Variants in MPRIP observed in about 807,000 individuals in gnomAD.
The protein encoded by MPRIP is myosin phosphatase Rho-interacting protein.
A neutral mutation model predicts 234.9 loss-of-function variants in MPRIP; 59 were observed. That is an observed-to-expected ratio of 0.25 (90% CI 0.20 to 0.31). The LOEUF (loss-of-function observed/expected upper bound fraction) is 0.31, where lower values mean the gene tolerates loss of function less well. MPRIP is among the 10% of genes least tolerant of loss of function. MPRIP has a pLI of 1.00. For missense variants in MPRIP, 2,436 were observed against 3,071.0 expected (o/e 0.79, Z 4.89); for synonymous variants, 1,144 against 1,263.9 (o/e 0.91, Z 2.01).
At chr17:17,124,191 G>C (rs1252480890) in intron 3 of MPRIP, among the ~76,000 whole-genome samples, 1 of 152,156 alleles carries the variant, frequency 6.6e-6, no homozygotes, top group Non-Finnish European at 1.5e-5. Flanking sequence ...AGCAGAGCAG[G>C]GGCTTTGTTC....
intron 1 of MPRIP, among the ~76,000 whole-genome samples, chr17:17,075,218 G>T (rs753384307): frequency 6.6e-6 from 1 of 152,206 alleles, no homozygotes; most frequent in African/African-American, 2.4e-5. Context: ...AAGAGTTTCT[G>T]CACGCAGTCA....
intron 3 of MPRIP, among the ~76,000 whole-genome samples, chr17:17,081,981 C>G (rs968790999): frequency 1.3e-5 from 2 of 152,168 alleles, no homozygotes; most frequent in African/African-American, 4.8e-5. Flanking sequence ...CCTGGTTTTT[C>G]AGGAGTGGAC....
chr17:17,185,581 T>A lies in MPRIP; in HGVS notation c.*687T>A, dbSNP rs186419971. The A allele has an allele frequency of 2.2e-6, 1 of 456,252 alleles. No individual in the cohort carries two copies. Among genetic ancestry groups the A allele is most frequent in the Non-Finnish European group, 4.4e-6 (1 of 226,946 alleles). 28.3% of individuals were successfully genotyped at this position (456,252 alleles called of 1,614,324 possible). A position where few individuals can be genotyped will look rare whatever the true frequency, so the allele number is the denominator to read the frequency against. Reference sequence around the variant, plus strand: ...CAAAATCCCCGGCCCCTCTCCTTCCTTCCTTCCTTCCTTCCTCCGCTCGTT... The same window carrying A: ...CAAAATCCCCGGCCCCTCTCCTTCCATCCTTCCTTCCTTCCTCCGCTCGTT... On this transcript the variant is annotated 3_prime_UTR_variant, in exon 24 of 24. Coordinates refer to ENST00000651222, the MANE Select transcript of MPRIP (RefSeq NM_001364716.4).
chr17:17,174,078 G>C lies in MPRIP; in HGVS notation c.6750+3G>C. 1 of 1,612,812 alleles carries C rather than the reference G, an allele frequency of 6.2e-7. No individual in the cohort carries two copies. Among genetic ancestry groups the C allele is most frequent in the Non-Finnish European group, 8.5e-7 (1 of 1,179,624 alleles). The stretch of plus-strand genomic sequence containing the variant: ...AGGAGCTCAATGCCCACAACCAGGT[G>C]AGCCTGCAGCCAGGTGAGCCCAAGG... On this transcript the variant is annotated splice_donor_region_variant and intron_variant, in intron 19 of 23. Coordinates refer to ENST00000651222, the MANE Select transcript of MPRIP (RefSeq NM_001364716.4).
At chr17:17,117,742 G>A (rs1203479486) in intron 3 of MPRIP, among the ~76,000 whole-genome samples, 1 of 152,168 alleles carries the variant, frequency 6.6e-6, no homozygotes, top group Non-Finnish European at 1.5e-5. Flanking sequence ...AACTTGTTGG[G>A]TCATATGGAA....
At position 17,166,771 on chromosome 17, in the gene MPRIP, T is replaced by G; in HGVS notation, c.5180T>G (p.Val1727Gly). ...GACTTTGAAAGAGTGATGCAGCAGG[T>G]CTTGGAAGCCCTCAGGCTTCCAGCG... is the stretch of plus-strand genomic sequence containing the variant. Reference protein sequence around the residue: ...TPDFERVMQQVLEALRLPAGH... With the variant: ...TPDFERVMQQGLEALRLPAGH... Residue 1727 changes from valine (V) to glycine (G), a missense_variant, in exon 16 of 24, where the codon GTC (valine) becomes GGC (glycine). Val to Gly is a moderately radical substitution (Grantham distance 109). Coordinates refer to ENST00000651222, the MANE Select transcript of MPRIP (RefSeq NM_001364716.4). This position sits in a 1 kb window ranked among gnomAD's most constrained non-coding sequence, Gnocchi z 4.4. 7.7e-7 allele frequency: 1 copy of G among 1,304,204 alleles called. No homozygotes were observed. Among genetic ancestry groups the G allele is most frequent in the Non-Finnish European group, 1.0e-6 (1 of 988,950 alleles). 80.8% of individuals were successfully genotyped at this position (1,304,204 alleles called of 1,614,324 possible).
intron 3 of MPRIP, among the ~76,000 whole-genome samples, chr17:17,100,759 A>G (rs1480885524): frequency 6.6e-6 from 1 of 152,084 alleles, no homozygotes; most frequent in Non-Finnish European, 1.5e-5. Flanking sequence ...GATTGATTCT[A>G]CATTATGGTG....
chr17:17,159,720 G>A (rs1296687862), intron 14 of MPRIP, among the ~76,000 whole-genome samples: 1 of 152,218 alleles, frequency 6.6e-6, no homozygotes, highest in Admixed American at 6.5e-5. Context: ...CTCGTAGCTG[G>A]GGAGGTGTAG....
chr17:17,148,331 G>A (rs144950797), intron 11 of MPRIP, among the ~76,000 whole-genome samples: 127 of 152,262 alleles, frequency 8.3e-4, no homozygotes, highest in African/African-American at 2.5e-3. Context: ...GAGAGCAGTG[G>A]TGGTTAAAAT....
At chr17:17,043,346 C>G (rs2088241112) in intron 1 of MPRIP, among the ~76,000 whole-genome samples, 1 of 152,026 alleles carries the variant, frequency 6.6e-6, no homozygotes, top group South Asian at 2.1e-4. Context: ...GCCCAGGGGT[C>G]GGATTGTTGG....
At chr17:17,074,445 C>G (rs1159862703) in intron 1 of MPRIP, among the ~76,000 whole-genome samples, 1 of 152,214 alleles carries the variant, frequency 6.6e-6, no homozygotes, top group Non-Finnish European at 1.5e-5. Context: ...ACAGGCCAGA[C>G]ACTGTGCTCA....
At chr17:17,112,787 G>A (rs1254256167) in intron 3 of MPRIP, among the ~76,000 whole-genome samples, 1 of 152,206 alleles carries the variant, frequency 6.6e-6, no homozygotes, top group African/African-American at 2.4e-5. Flanking sequence ...GCGTTGAGGG[G>A]GAGGGAGGGA....
chr17:17,068,794 A>G (rs909503906), intron 1 of MPRIP, among the ~76,000 whole-genome samples: 2 of 152,124 alleles, frequency 1.3e-5, no homozygotes, highest in African/African-American at 4.8e-5. Flanking sequence ...CTGTAATCCC[A>G]TAGTGCTGGG....
At chr17:17,134,534 T>C (rs1454399116) in intron 5 of MPRIP, among the ~76,000 whole-genome samples, 3 of 152,100 alleles carry the variant, frequency 2.0e-5, no homozygotes, top group Non-Finnish European at 4.4e-5. Flanking sequence ...AGCCTGGGAG[T>C]CTGTCTGCTG....
chr17:17,096,288 G>GGTGTGTGTGTGT (rs59748753), intron 3 of MPRIP, among the ~76,000 whole-genome samples: 2 of 136,492 alleles, frequency 1.5e-5, no homozygotes, highest in African/African-American at 5.6e-5. Context: ...GTGTGTGCAG[G>GGTGTGTGTGTGT]GTGTGTGTGT....
intron 3 of MPRIP, among the ~76,000 whole-genome samples, chr17:17,079,821 C>T (rs963051932): frequency 2.0e-4 from 30 of 152,354 alleles, no homozygotes; most frequent in South Asian, 1.7e-3. Context: ...CTTCTGGGGA[C>T]GCCTTGGTGC....
chr17:17,062,196 C>G (rs1246976030), intron 1 of MPRIP, among the ~76,000 whole-genome samples: 2 of 152,068 alleles, frequency 1.3e-5, no homozygotes. Context: ...GGTTCCCTAA[C>G]TACACCTACT....
At chr17:17,110,198 C>T (rs1567720998) in intron 3 of MPRIP, among the ~76,000 whole-genome samples, 1 of 152,240 alleles carries the variant, frequency 6.6e-6, no homozygotes, top group East Asian at 1.9e-4. Context: ...GATCTCTGCA[C>T]ACACCAGCGC....
chr17:17,050,079 G>C (rs1247113652), intron 1 of MPRIP, among the ~76,000 whole-genome samples: 1 of 152,178 alleles, frequency 6.6e-6, no homozygotes, highest in Non-Finnish European at 1.5e-5. Context: ...TGCAATCCCA[G>C]CACTTTGGGA....
Sources: gnomAD v4.1 joint callset for allele counts (sites outside exome capture counted in the v4.1 genomes callset) on GRCh38, gnomAD v4.1.1 for gene constraint, Gnocchi (gnomAD v3.1) non-coding constraint, MANE v1.5 for transcripts, NCBI Gene and HGNC (gene_info 2026-07-23, HGNC 2026-07-21) for gene names.